MBD3L2B: variants seen among roughly 807,000 people sequenced by gnomAD.
MBD3L2B encodes the protein methyl-CpG-binding domain protein 3-like 2B.
For synonymous variants in MBD3L2B, 50 were observed against 31.6 expected, an observed-to-expected ratio of 1.58 and a Z score of -1.95; for missense variants, 127 against 78.7, an observed-to-expected ratio of 1.61 and a Z score of -2.32.
rs930146619 is a variant in MBD3L2B, at chr19:7,019,160, G to A, written c.*1C>T. 7 of 719,106 alleles carry A rather than the reference G, an allele frequency of 9.7e-6. No individual in the cohort carries two copies. Among genetic ancestry groups the A allele is most frequent in the Admixed American group, 4.0e-5 (2 of 50,042 alleles). 44.5% of individuals were successfully genotyped at this position (719,106 alleles called of 1,614,324 possible). On this transcript the variant is annotated 3_prime_UTR_variant, in exon 2 of 2. Transcript: ENST00000636986. ...CCCTCCTCCTGCACTTCATCCACCT[G>A]TCACATTTCTGCCCGCCTGGCCAGC... is the stretch of plus-strand genomic sequence containing the variant.
At position 7,019,148 on chromosome 19, in the gene MBD3L2B, C is replaced by T. The variant is rs775163160; in HGVS notation, c.*13G>A. 1.0e-4 allele frequency: 75 copies of T among 718,686 alleles called. No homozygotes were observed. Among genetic ancestry groups the T allele is most frequent in the Admixed American group, 3.0e-4 (15 of 50,016 alleles). The allele number at this position is 718,686 out of a possible 1,614,324, so 44.5% of individuals were successfully genotyped here. A position where few individuals can be genotyped will look rare whatever the true frequency, so the allele number is the denominator to read the frequency against. The stretch of plus-strand genomic sequence containing the variant: ...CTTCTCAGCACCCCCTCCTCCTGCA[C>T]TTCATCCACCTGTCACATTTCTGCC... On this transcript the variant is annotated 3_prime_UTR_variant, in exon 2 of 2. Transcript: ENST00000636986.
chr19:7,019,011 CAA>C lies in MBD3L2B; in HGVS notation c.*148_*149del, dbSNP rs1976758741. Reference sequence around the variant, plus strand: ...TTAATAAAGAACTGGTGGGGAAGTACAAAGTGTGACAATTCATAGCAGGAAAG... The same window carrying C: ...TTAATAAAGAACTGGTGGGGAAGTACAGTGTGACAATTCATAGCAGGAAAG... On this transcript the variant is annotated 3_prime_UTR_variant, in exon 2 of 2. Coordinates refer to ENST00000636986, the MANE Select transcript of MBD3L2B (RefSeq NM_001364674.2). The C allele has an allele frequency of 3.0e-6, 2 of 674,420 alleles. No homozygotes were observed. The highest frequency in any genetic ancestry group is 5.4e-6 in the Non-Finnish European group (2 of 369,552). The allele number at this position is 674,420 out of a possible 1,614,324, so 41.8% of individuals were successfully genotyped here.
Position 7,018,994 on chromosome 19 carries a change from G to T in MBD3L2B, c.*167C>A. ...TTGCCTTTCAAATGCTTTTAATAAA[G>T]AACTGGTGGGGAAGTACAAAGTGTG... On this transcript the variant is annotated 3_prime_UTR_variant, in exon 2 of 2. Coordinates refer to ENST00000636986, the MANE Select transcript of MBD3L2B (RefSeq NM_001364674.2). The T allele has an allele frequency of 1.5e-6, 1 of 659,710 alleles. No individual in the cohort carries two copies. Among genetic ancestry groups the T allele is most frequent in the East Asian group, 2.7e-5 (1 of 37,042 alleles). The allele number at this position is 659,710 out of a possible 1,614,324, so 40.9% of individuals were successfully genotyped here.
At position 7,019,210 on chromosome 19, in the gene MBD3L2B, A is replaced by G; in HGVS notation, c.566T>C (p.Leu189Pro). 1 of 718,336 alleles carries G rather than the reference A, an allele frequency of 1.4e-6. No homozygotes were observed. The highest frequency in any genetic ancestry group is 2.6e-6 in the Non-Finnish European group (1 of 385,144). 44.5% of individuals were successfully genotyped at this position (718,336 alleles called of 1,614,324 possible). A position where few individuals can be genotyped will look rare whatever the true frequency, so the allele number is the denominator to read the frequency against. The change falls in exon 2 of 2, where the codon CTG becomes CCG. Residue 189 changes from leucine to proline, a missense_variant. Transcript: ENST00000636986. ...CCTGTCTGCCTGCAAGGCCTTGGCC[A>G]GTCTCTCCCTGGCTTTCTTCACCCT... ...ARRVKKARER[L>P]AKALQADRLA...
Position 7,019,342 on chromosome 19 carries a change from C to A in MBD3L2B, c.434G>T (p.Arg145Leu). The change falls in exon 2 of 2, where the codon CGG (arginine) becomes CTG (leucine). Residue 145 changes from arginine to leucine, a missense_variant. Coordinates refer to ENST00000636986, the MANE Select transcript of MBD3L2B (RefSeq NM_001364674.2). Reference sequence around the variant, plus strand: ...TGGCCCCCCTGCCACAGCTGGAAACCGCCCAGGGGTGGGCTCAAGCGGGCT... The same window carrying A: ...TGGCCCCCCTGCCACAGCTGGAAACAGCCCAGGGGTGGGCTCAAGCGGGCT... ...VRSPLEPTPGRFPAVAGGPTP... is the reference protein window; with the variant it reads ...VRSPLEPTPGLFPAVAGGPTP... 2 of 681,770 alleles carry A rather than the reference C, an allele frequency of 2.9e-6. No homozygotes were observed. The highest frequency in any genetic ancestry group is 5.3e-6 in the Non-Finnish European group (2 of 374,446). 42.2% of individuals were successfully genotyped at this position (681,770 alleles called of 1,614,324 possible). A position where few individuals can be genotyped will look rare whatever the true frequency, so the allele number is the denominator to read the frequency against.
Position 7,019,622 on chromosome 19 carries a change from G to A in MBD3L2B, c.154C>T (p.Leu52Phe), listed in dbSNP as rs1438211010. 4.9e-6 allele frequency: 2 copies of A among 404,294 alleles called. No individual in the cohort carries two copies. The highest frequency in any genetic ancestry group is 1.1e-4 in the Admixed American group (2 of 17,502). The allele number at this position is 404,294 out of a possible 1,614,324, so 25.0% of individuals were successfully genotyped here. A position where few individuals can be genotyped will look rare whatever the true frequency, so the allele number is the denominator to read the frequency against. The change falls in exon 2 of 2, where the codon CTC becomes TTC. Residue 52 changes from leucine to phenylalanine, a missense_variant. By Grantham distance (22) the Leu-to-Phe change is conservative (BLOSUM62 0). Coordinates refer to ENST00000636986, the MANE Select transcript of MBD3L2B (RefSeq NM_001364674.2). The stretch of plus-strand genomic sequence containing the variant: ...GGCCTCCGGAAGATGCAGCTGGTGA[G>A]TCTCATGGGGAGAGCAGACCTCGCA... ...RAARSALPMR[L>F]TSCIFRRPVT...
Position 7,019,497 on chromosome 19 carries a change from C to A in MBD3L2B, c.279G>T (p.Leu93=). 1 of 488,622 alleles carries A rather than the reference C, an allele frequency of 2.0e-6. No homozygotes were observed. Among genetic ancestry groups the A allele is most frequent in the Non-Finnish European group, 3.5e-6 (1 of 288,478 alleles). 30.3% of individuals were successfully genotyped at this position (488,622 alleles called of 1,614,324 possible). A position where few individuals can be genotyped will look rare whatever the true frequency, so the allele number is the denominator to read the frequency against. The change falls in exon 2 of 2, where the codon CTG becomes CTT. Residue 93 remains leucine (L), a synonymous_variant. Coordinates refer to ENST00000636986, the MANE Select transcript of MBD3L2B (RefSeq NM_001364674.2). The part of the protein sequence containing the change: ...KPQQLCAYRR[L]QALQPCSSQG... ...GGCTGCTGCAGGGCTGCAGGGCCTG[C>A]AGTCTCCGGTAGGCGCAGAGTTGCT...
rs1244101879 is a variant in MBD3L2B, at chr19:7,019,658, G to A, written c.118C>T (p.Arg40Trp). The A allele has an allele frequency of 1.7e-5, 6 of 356,868 alleles. No individual in the cohort carries two copies. Among genetic ancestry groups the A allele is most frequent in the Non-Finnish European group, 2.4e-5 (5 of 211,156 alleles). The allele number at this position is 356,868 out of a possible 1,614,324, so 22.1% of individuals were successfully genotyped here. The change falls in exon 2 of 2, where the codon CGG (arginine) becomes TGG (tryptophan). Residue 40 changes from arginine (R) to tryptophan (W), a missense_variant. Coordinates refer to ENST00000636986, the MANE Select transcript of MBD3L2B (RefSeq NM_001364674.2). ...KREIHMAKAH[R>W]RRAARSALPM... is the part of the protein sequence containing the mutation. Reference sequence around the variant, plus strand: ...AGAGCAGACCTCGCAGCTCGTCTCCGATGGGCCTTGGCCATGTGGATTTCT... The same window carrying A: ...AGAGCAGACCTCGCAGCTCGTCTCCAATGGGCCTTGGCCATGTGGATTTCT...
chr19:7,019,595 C>A lies in MBD3L2B; in HGVS notation c.181G>T (p.Val61Leu). The A allele has an allele frequency of 2.4e-6, 1 of 422,262 alleles. No individual in the cohort carries two copies. The highest frequency in any genetic ancestry group is 3.5e-5 in the East Asian group (1 of 28,662). The allele number at this position is 422,262 out of a possible 1,614,324, so 26.2% of individuals were successfully genotyped here. Reference sequence around the variant, plus strand: ...TCAGGATGAGACCTGATCCTTGTCACCGGCCTCCGGAAGATGCAGCTGGTG... The same window carrying A: ...TCAGGATGAGACCTGATCCTTGTCAACGGCCTCCGGAAGATGCAGCTGGTG... ...RLTSCIFRRP[V>L]TRIRSHPDNQ... The change falls in exon 2 of 2, where the codon GTG becomes TTG. Residue 61 changes from valine to leucine, a missense_variant. Coordinates refer to ENST00000636986, the MANE Select transcript of MBD3L2B (RefSeq NM_001364674.2).
intron 1 of MBD3L2B, 113 bp from the exon 2 acceptor site, chr19:7,019,843 G>A: frequency 6.1e-5 from 5 of 81,546 alleles, no homozygotes; most frequent in South Asian, 2.0e-4. Flanking sequence ...CTCTTTCTGG[G>A]GAAATGTGTC....
rs955400129 is a variant in MBD3L2B, at chr19:7,019,113, C to T, written c.*48G>A. ...GACTCACCCCCCAACTGCGGGGCCA[C>T]ACCCCACAGCTTCTCAGCACCCCCT... On this transcript the variant is annotated 3_prime_UTR_variant, in exon 2 of 2. Coordinates refer to ENST00000636986, the MANE Select transcript of MBD3L2B (RefSeq NM_001364674.2). The T allele has an allele frequency of 3.2e-5, 23 of 718,204 alleles. No homozygotes were observed. The highest frequency in any genetic ancestry group is 2.7e-5 in the East Asian group (1 of 37,282). The allele number at this position is 718,204 out of a possible 1,614,324, so 44.5% of individuals were successfully genotyped here.
chr19:7,019,065 C>CCG lies in MBD3L2B; in HGVS notation c.*95_*96insCG. On this transcript the variant is annotated 3_prime_UTR_variant, in exon 2 of 2. Coordinates refer to ENST00000636986, the MANE Select transcript of MBD3L2B (RefSeq NM_001364674.2). ...GGACGGGCATTAAAAGATAGGGATT[C>CCG]AAAACCCAGGACTGTCCCCACTGAC... The CCG allele has an allele frequency of 1.4e-6, 1 of 709,382 alleles. No homozygotes were observed. The highest frequency in any genetic ancestry group is 2.6e-6 in the Non-Finnish European group (1 of 381,320). 43.9% of individuals were successfully genotyped at this position (709,382 alleles called of 1,614,324 possible). A position where few individuals can be genotyped will look rare whatever the true frequency, so the allele number is the denominator to read the frequency against.
rs1313944507 is a variant in MBD3L2B, at chr19:7,019,108, G to T, written c.*53C>A. The T allele has an allele frequency of 2.8e-6, 2 of 717,836 alleles. No homozygotes were observed. Among genetic ancestry groups the T allele is most frequent in the Non-Finnish European group, 5.2e-6 (2 of 385,032 alleles). The allele number at this position is 717,836 out of a possible 1,614,324, so 44.5% of individuals were successfully genotyped here. ...CCACTGACTCACCCCCCAACTGCGG[G>T]GCCACACCCCACAGCTTCTCAGCAC... On this transcript the variant is annotated 3_prime_UTR_variant, in exon 2 of 2. Transcript: ENST00000636986.
At position 7,019,528 on chromosome 19, in the gene MBD3L2B, T is replaced by C. The variant is rs558706378; in HGVS notation, c.248A>G (p.Lys83Arg). ...RRRKGDEHLE[K>R]PQQLCAYRRL... Reference sequence around the variant, plus strand: ...CCGGTAGGCGCAGAGTTGCTGCGGCTTCTCCAGGTGCTCGTCCCCTTTTCT... The same window carrying C: ...CCGGTAGGCGCAGAGTTGCTGCGGCCTCTCCAGGTGCTCGTCCCCTTTTCT... Residue 83 changes from lysine to arginine, a missense_variant, in exon 2 of 2, where the codon AAG becomes AGG. Lys to Arg is a conservative substitution (Grantham distance 26, BLOSUM62 2). Coordinates refer to ENST00000636986, the MANE Select transcript of MBD3L2B (RefSeq NM_001364674.2). 286 of 461,962 alleles carry C rather than the reference T, an allele frequency of 6.2e-4. 2 individuals are homozygous for C. The East Asian group carries it at 8.7e-3, about 14-fold the overall frequency. 28.6% of individuals were successfully genotyped at this position (461,962 alleles called of 1,614,324 possible). A position where few individuals can be genotyped will look rare whatever the true frequency, so the allele number is the denominator to read the frequency against.
At position 7,019,181 on chromosome 19, in the gene MBD3L2B, C is replaced by A. The variant is rs758749488; in HGVS notation, c.595G>T (p.Ala199Ser). The change falls in exon 2 of 2, where the codon GCC becomes TCC. Residue 199 changes from alanine (A) to serine (S), a missense_variant. Transcript: ENST00000636986. ...ACCTGTCACATTTCTGCCCGCCTGGCCAGCCTGTCTGCCTGCAAGGCCTTG... is the reference window on the plus strand; with the variant it reads ...ACCTGTCACATTTCTGCCCGCCTGGACAGCCTGTCTGCCTGCAAGGCCTTG... ...LAKALQADRL[A>S]RRAEM The A allele has an allele frequency of 7.4e-5, 53 of 719,082 alleles. No individual in the cohort carries two copies. The East Asian group carries it at 1.2e-3, about 16-fold the overall frequency. 44.5% of individuals were successfully genotyped at this position (719,082 alleles called of 1,614,324 possible).
In MBD3L2B at chr19:7,019,362, C is replaced by T. The variant is rs73923703; in HGVS notation, c.414G>A (p.Pro138=). Residue 138 remains proline, a synonymous_variant, in exon 2 of 2, where the codon CCG becomes CCA. Transcript: ENST00000636986. ...DRAGAERVRS[P]LEPTPGRFPA... is the part of the protein sequence containing the mutation. ...GAAACCGCCCAGGGGTGGGCTCAAG[C>T]GGGCTGCGCACACGCTCAGCACCAG... 1,782 of 669,266 alleles carry T rather than the reference C, an allele frequency of 2.7e-3. 37 individuals carry two copies. In the African/African-American group the frequency reaches 0.029, roughly 11 times the overall value. The allele number at this position is 669,266 out of a possible 1,614,324, so 41.5% of individuals were successfully genotyped here.
Position 7,019,028 on chromosome 19 carries a change from T to C in MBD3L2B, c.*133A>G. ...GGGAAGTACAAAGTGTGACAATTCA[T>C]AGCAGGAAAGAGGACGGGCATTAAA... On this transcript the variant is annotated 3_prime_UTR_variant, in exon 2 of 2. Coordinates refer to ENST00000636986, the MANE Select transcript of MBD3L2B (RefSeq NM_001364674.2). 1.5e-6 allele frequency: 1 copy of C among 687,582 alleles called. No individual in the cohort carries two copies. The highest frequency in any genetic ancestry group is 2.7e-6 in the Non-Finnish European group (1 of 374,496). 42.6% of individuals were successfully genotyped at this position (687,582 alleles called of 1,614,324 possible).
Position 7,019,017 on chromosome 19 carries a change from G to T in MBD3L2B, c.*144C>A, listed in dbSNP as rs1976758785. Reference sequence around the variant, plus strand: ...AAGAACTGGTGGGGAAGTACAAAGTGTGACAATTCATAGCAGGAAAGAGGA... The same window carrying T: ...AAGAACTGGTGGGGAAGTACAAAGTTTGACAATTCATAGCAGGAAAGAGGA... On this transcript the variant is annotated 3_prime_UTR_variant, in exon 2 of 2. Transcript: ENST00000636986. 7.4e-6 allele frequency: 5 copies of T among 679,840 alleles called. No homozygotes were observed. Among genetic ancestry groups the T allele is most frequent in the South Asian group, 1.6e-5 (1 of 61,412 alleles). The allele number at this position is 679,840 out of a possible 1,614,324, so 42.1% of individuals were successfully genotyped here.
At chr19:7,019,773 A>G (rs1356835801) in intron 1 of MBD3L2B, 43 bp from the exon 2 acceptor site, 1 of 142,666 alleles carries the variant, frequency 7.0e-6, no homozygotes, top group Non-Finnish European at 1.2e-5. Flanking sequence ...CCAAATGGAG[A>G]CAGGAGAAGA....
Sources: allele counts gnomAD v4.1 joint callset, GRCh38; gene constraint gnomAD v4.1.1; transcripts MANE v1.5; gene names NCBI Gene and HGNC (gene_info 2026-07-23, HGNC 2026-07-21).